The following NPFFR2 variants were observed in gnomAD, a reference collection of about 807,000 sequenced individuals.
NPFFR2 encodes the protein G-protein coupled receptor 74.
In NPFFR2, 15 loss-of-function variants were observed where a neutral mutation model predicts 13.1. That is an observed-to-expected ratio of 1.15 (90% CI 0.77 to 1.76). The LOEUF is 1.76. NPFFR2 is among the 40% of genes most tolerant of loss of function. The pLI, the probability that NPFFR2 is intolerant of heterozygous loss-of-function variation, is 0.00. For missense variants in NPFFR2, 572 were observed against 503.5 expected (o/e 1.14, Z -1.30); for synonymous variants, 190 against 175.7 (o/e 1.08, Z -0.65).
chr4:72,099,708 C>T (rs1029027389), intron 1 of NPFFR2, among the ~76,000 whole-genome samples: 2 of 152,140 alleles, frequency 1.3e-5, no homozygotes, highest in Admixed American at 6.5e-5. Context: ...CCACCTCCAA[C>T]ACCGGGAATT....
intron 1 of NPFFR2, among the ~76,000 whole-genome samples, chr4:72,058,949 T>A (rs1026151059): frequency 4.6e-5 from 7 of 152,134 alleles, no homozygotes; most frequent in Admixed American, 2.0e-4. Flanking sequence ...ATTGTTCACA[T>A]AAGCCAAATA....
chr4:72,125,613 A>G (rs1722016323), intron 1 of NPFFR2, among the ~76,000 whole-genome samples: 1 of 152,210 alleles, frequency 6.6e-6, no homozygotes, highest in Admixed American at 6.5e-5. Flanking sequence ...GCTCTACAGA[A>G]GAATCTGACT....
At chr4:72,039,354 G>T (rs576132254) in intron 1 of NPFFR2, 8 of 983,484 alleles carry the variant, frequency 8.1e-6, no homozygotes, top group Non-Finnish European at 9.7e-6. Context: ...CACCGCGCCC[G>T]GCCAATTTCC....
At chr4:72,074,404 C>G (rs1394817621) in intron 1 of NPFFR2, among the ~76,000 whole-genome samples, 1 of 152,040 alleles carries the variant, frequency 6.6e-6, no homozygotes, top group Non-Finnish European at 1.5e-5. Context: ...GGAAGAAACA[C>G]CACATTCACA....
chr4:72,136,771 G>A (rs1284257933), intron 2 of NPFFR2, among the ~76,000 whole-genome samples: 1 of 152,148 alleles, frequency 6.6e-6, no homozygotes, highest in African/African-American at 2.4e-5. Context: ...TTATGGTTCT[G>A]CCTCCTCAGA....
chr4:72,062,543 C>T (rs908768290), intron 1 of NPFFR2, among the ~76,000 whole-genome samples: 17 of 150,026 alleles, frequency 1.1e-4, no homozygotes, highest in African/African-American at 3.2e-4. Context: ...AAAAAGAAGT[C>T]GTGAGTCTTC....
chr4:72,109,217 A>G (rs1311879245), intron 1 of NPFFR2, among the ~76,000 whole-genome samples: 2 of 152,014 alleles, frequency 1.3e-5, no homozygotes, highest in Admixed American at 1.3e-4. Context: ...GATCTGAGAG[A>G]GATGTCCAAC....
At chr4:72,042,047 T>G (rs1013977543) in intron 1 of NPFFR2, among the ~76,000 whole-genome samples, 14 of 152,144 alleles carry the variant, frequency 9.2e-5, no homozygotes, top group Admixed American at 6.6e-4. Flanking sequence ...GGTTTATAAA[T>G]TCTTTGCCAT....
chr4:72,060,661 A>G (rs572733022), intron 1 of NPFFR2, among the ~76,000 whole-genome samples: 137 of 152,258 alleles, frequency 9.0e-4, no homozygotes, highest in African/African-American at 3.2e-3. Context: ...AAAACAACAT[A>G]TGTAAGTATA....
intron 1 of NPFFR2, among the ~76,000 whole-genome samples, chr4:72,127,303 C>CAAAAAA (rs772559589): frequency 1.8e-4 from 2 of 11,424 alleles, no homozygotes; most frequent in African/African-American, 3.2e-4. Context: ...GACTCCATCT[C>CAAAAAA]AAAAAAAAAA....
chr4:72,061,142 G>A (rs1263787717), intron 1 of NPFFR2, among the ~76,000 whole-genome samples: 1 of 152,132 alleles, frequency 6.6e-6, no homozygotes, highest in Non-Finnish European at 1.5e-5. Context: ...TGGAACCAGT[G>A]TCTTCACTGC....
At position 72,096,676 on chromosome 4, in the gene NPFFR2, T is replaced by C. The variant is rs372895724; in HGVS notation, c.-7-31909T>C. Among the ~76,000 whole-genome samples, 412 of 152,210 alleles carry C rather than the reference T, an allele frequency of 2.7e-3. 2 individuals are homozygous for C. Among genetic ancestry groups the C allele is most frequent in the African/African-American group, 9.2e-3 (382 of 41,570 alleles). Reference sequence around the variant, plus strand: ...TTAATGAAATTTACCAACCTGGGGATTGTGACAACTAATTAACATCTTACT... The same window carrying C: ...TTAATGAAATTTACCAACCTGGGGACTGTGACAACTAATTAACATCTTACT... On this transcript the variant is annotated intron_variant, in intron 1 of 3. Coordinates refer to ENST00000308744, the MANE Select transcript of NPFFR2 (RefSeq NM_004885.3).
intron 1 of NPFFR2, among the ~76,000 whole-genome samples, chr4:72,077,011 A>G (rs1308203795): frequency 1.3e-5 from 2 of 152,142 alleles, no homozygotes; most frequent in Admixed American, 1.3e-4. Flanking sequence ...AATTAATTTT[A>G]TCTTATTCTT....
At chr4:72,065,103 A>G (rs1208161957) in intron 1 of NPFFR2, among the ~76,000 whole-genome samples, 1 of 152,146 alleles carries the variant, frequency 6.6e-6, no homozygotes, top group Non-Finnish European at 1.5e-5. Flanking sequence ...AAAAAAAAAA[A>G]ACAAAGCTTA....
chr4:72,105,433 C>A (rs1473655041), intron 1 of NPFFR2, among the ~76,000 whole-genome samples: 1 of 151,902 alleles, frequency 6.6e-6, no homozygotes, highest in Non-Finnish European at 1.5e-5. Context: ...GCAAGACCAA[C>A]ATTCTAGGAG....
At chr4:72,085,027 G>A (rs142029608) in intron 1 of NPFFR2, among the ~76,000 whole-genome samples, 248 of 148,620 alleles carry the variant, frequency 1.7e-3, no homozygotes, top group African/African-American at 5.8e-3. Context: ...TTCTTTATTC[G>A]AGAACTATTA....
chr4:72,147,503 A>T lies in NPFFR2; in HGVS notation c.954A>T (p.Ala318=). The T allele has an allele frequency of 6.2e-7, 1 of 1,614,190 alleles. No individual in the cohort carries two copies. The highest frequency in any genetic ancestry group is 2.2e-5 in the East Asian group (1 of 44,880). ...TCAACATCTACATCTACCCTTTTGC[A>T]CACTGGCTGGCATTCGGCAACAGCA... The part of the protein sequence containing the change: ...QIINIYIYPF[A]HWLAFGNSSV... Residue 318 remains alanine, a synonymous_variant, in exon 4 of 4, where the codon GCA becomes GCT. Transcript: ENST00000308744.
intron 1 of NPFFR2, among the ~76,000 whole-genome samples, chr4:72,096,494 G>A (rs1018548508): frequency 1.3e-5 from 2 of 152,056 alleles, no homozygotes; most frequent in Non-Finnish European, 2.9e-5. Flanking sequence ...TTTTTAATGT[G>A]CAGTTTTGAT....
chr4:72,081,303 C>T lies in NPFFR2; in HGVS notation c.-7-47282C>T, dbSNP rs890783734. ...ATTGAGTAGTTGTGACAGAAGCCTT[C>T]GGGCCTGCAAACCCAAAATATTTAC... is the stretch of plus-strand genomic sequence containing the variant. On this transcript the variant is annotated intron_variant, in intron 1 of 3. Transcript: ENST00000308744. 3.9e-5 allele frequency among the ~76,000 whole-genome samples: 6 copies of T among 152,242 alleles called. No homozygotes were observed. The East Asian group carries it at 5.8e-4, about 15-fold the overall frequency.
Sources: allele counts gnomAD v4.1 joint callset (sites outside exome capture counted in the v4.1 genomes callset), GRCh38; gene constraint gnomAD v4.1.1; transcripts MANE v1.5; gene names NCBI Gene and HGNC (gene_info 2026-07-23, HGNC 2026-07-21).